EML5: variants seen among roughly 807,000 people sequenced by gnomAD.
EML5 encodes the protein echinoderm microtubule-associated protein-like 5.
In EML5, 120 loss-of-function variants were observed where a neutral mutation model predicts 250.0. That is an observed-to-expected ratio of 0.48 (90% CI 0.41 to 0.56). The LOEUF (loss-of-function observed/expected upper bound fraction) is 0.56, where lower values mean the gene tolerates loss of function less well. EML5 is among the 20% of genes least tolerant of loss of function. EML5 has a pLI of 0.00. For synonymous variants in EML5, 771 were observed against 806.5 expected (o/e 0.96, Z 0.75); for missense variants, 2,006 against 2,437.6 (o/e 0.82, Z 3.73).
intron 23 of EML5, among the ~76,000 whole-genome samples, chr14:88,664,186 A>G (rs1040269411): frequency 1.3e-5 from 2 of 150,314 alleles, no homozygotes; most frequent in African/African-American, 4.9e-5. Context: ...CTGAGTTGGG[A>G]GGATGACTTA....
At chr14:88,715,264 G>A in intron 8 of EML5, 69 bp from the exon 9 acceptor site, 1 of 1,412,934 alleles carries the variant, frequency 7.1e-7, no homozygotes, top group Non-Finnish European at 9.4e-7. Context: ...TTTCAAACAT[G>A]TCTAAAATGA....
intron 8 of EML5, among the ~76,000 whole-genome samples, chr14:88,717,052 T>C (rs1490562827): frequency 3.9e-5 from 6 of 152,076 alleles, no homozygotes; most frequent in African/African-American, 1.2e-4. Flanking sequence ...CATCACAAAG[T>C]AAAGGTACAG....
At chr14:88,781,862 A>G (rs1332845498) in intron 1 of EML5, among the ~76,000 whole-genome samples, 1 of 152,198 alleles carries the variant, frequency 6.6e-6, no homozygotes, top group Non-Finnish European at 1.5e-5. Flanking sequence ...TTTACAAATT[A>G]CCCAGTCTTG....
chr14:88,682,664 T>C (rs2092740934), intron 20 of EML5, among the ~76,000 whole-genome samples: 1 of 152,154 alleles, frequency 6.6e-6, no homozygotes, highest in Non-Finnish European at 1.5e-5. Flanking sequence ...TAGGGCAGGA[T>C]GTCAGCATTT....
intron 21 of EML5, among the ~76,000 whole-genome samples, chr14:88,675,680 G>C (rs948739857): frequency 1.3e-5 from 2 of 152,190 alleles, no homozygotes; most frequent in Admixed American, 6.5e-5. Flanking sequence ...CAGCTGGCTT[G>C]AATTTCACCT....
At chr14:88,752,571 A>G (rs1329282815) in intron 2 of EML5, among the ~76,000 whole-genome samples, 1 of 152,194 alleles carries the variant, frequency 6.6e-6, no homozygotes, top group Non-Finnish European at 1.5e-5. Flanking sequence ...AAGTCTTTAT[A>G]GATCCATTAC....
rs182186693 is a variant in EML5 at position 88,763,438 on chromosome 14, C to G, written c.198-8767G>C. 3.3e-5 allele frequency among the ~76,000 whole-genome samples: 5 copies of G among 151,954 alleles called. 1 individual carries two copies. Among genetic ancestry groups the G allele is most frequent in the Non-Finnish European group, 5.9e-5 (4 of 67,976 alleles). On this transcript the variant is annotated intron_variant, in intron 1 of 43. Coordinates refer to ENST00000554922, the MANE Select transcript of EML5 (RefSeq NM_183387.3). ...GATAAATTTCTAGACACACACACCC[C>G]CCCAAGACTAAACCAGGAAGAAGTC...
chr14:88,659,378 T>C (rs1312725381), intron 25 of EML5, among the ~76,000 whole-genome samples: 1 of 152,040 alleles, frequency 6.6e-6, no homozygotes, highest in East Asian at 1.9e-4. Flanking sequence ...GCCCAGCTAA[T>C]TTTTTCTGTT....
intron 27 of EML5, among the ~76,000 whole-genome samples, chr14:88,656,148 C>T (rs987474182): frequency 3.9e-5 from 6 of 152,200 alleles, no homozygotes; most frequent in Non-Finnish European, 7.3e-5. Flanking sequence ...AATCATTCTA[C>T]TATAAAGACA....
At chr14:88,772,448 C>T (rs79930862) in intron 1 of EML5, among the ~76,000 whole-genome samples, 5,144 of 152,298 alleles carry the variant, frequency 0.034, 282 homozygotes, top group African/African-American at 0.11. Context: ...TAAGATGGCA[C>T]TTTCAAGCCT....
At chr14:88,785,445 TA>T (rs2140841191) in intron 1 of EML5, among the ~76,000 whole-genome samples, 1 of 152,338 alleles carries the variant, frequency 6.6e-6, no homozygotes, top group Admixed American at 6.5e-5. Flanking sequence ...ATGTACCCCA[TA>T]AATAGATAAA....
At chr14:88,688,919 C>A (rs1170650933) in intron 17 of EML5, among the ~76,000 whole-genome samples, 1 of 152,138 alleles carries the variant, frequency 6.6e-6, no homozygotes, top group Non-Finnish European at 1.5e-5. Flanking sequence ...TCATGCATTC[C>A]TTTACATATA....
rs2091539886 is a variant in EML5 at position 88,649,909 on chromosome 14, T to TA, written c.4019+2dup. 4 of 1,492,650 alleles carry TA rather than the reference T, an allele frequency of 2.7e-6. No individual in the cohort carries two copies. The highest frequency in any genetic ancestry group is 3.6e-6 in the Non-Finnish European group (4 of 1,122,078). The allele number at this position is 1,492,650 out of a possible 1,614,324, so 92.5% of individuals were successfully genotyped here. ...AAAATATTTTCTTTTATAAAACACT[T>TA]ACCTTACTACTCCCTGCCTTCAAAA... On this transcript the variant is annotated splice_region_variant and intron_variant, in intron 28 of 43. Transcript: ENST00000554922.
At chr14:88,715,276 C>T (rs1225615655) in intron 8 of EML5, 81 bp from the exon 9 acceptor site, 5 of 1,337,734 alleles carry the variant, frequency 3.7e-6, no homozygotes, top group African/African-American at 1.5e-5. Context: ...CTAAAATGAC[C>T]GTGAAGCTGT....
At chr14:88,716,381 C>T (rs762687650) in intron 8 of EML5, among the ~76,000 whole-genome samples, 2 of 152,150 alleles carry the variant, frequency 1.3e-5, no homozygotes, top group Non-Finnish European at 2.9e-5. Flanking sequence ...TAGACTCATA[C>T]AGCTGCCTCT....
intron 1 of EML5, among the ~76,000 whole-genome samples, chr14:88,760,441 A>C (rs1489198560): frequency 6.6e-6 from 1 of 151,982 alleles, no homozygotes; most frequent in East Asian, 1.9e-4. Flanking sequence ...GACTTCCCCA[A>C]GCACTTTTGT....
chr14:88,760,604 T>G (rs1200201862), intron 1 of EML5, among the ~76,000 whole-genome samples: 3 of 152,198 alleles, frequency 2.0e-5, no homozygotes, highest in African/African-American at 7.2e-5. Flanking sequence ...CTGTGAGTCC[T>G]CTACCTTTGT....
At chr14:88,621,739 AAC>A (rs1400440049) in intron 37 of EML5, 18 of 348,146 alleles carry the variant, frequency 5.2e-5, no homozygotes, top group Admixed American at 1.7e-4. Flanking sequence ...AATAAGTACA[AAC>A]ACGCTCAAAA....
intron 10 of EML5, among the ~76,000 whole-genome samples, chr14:88,706,797 G>A (rs2093324552): frequency 6.6e-6 from 1 of 152,148 alleles, no homozygotes; most frequent in South Asian, 2.1e-4. Context: ...GCAGCCAGAG[G>A]ATCCTTTTAA....
Sources: gnomAD v4.1 joint callset for allele counts (sites outside exome capture counted in the v4.1 genomes callset) on GRCh38, gnomAD v4.1.1 for gene constraint, MANE v1.5 for transcripts, NCBI Gene and HGNC (gene_info 2026-07-23, HGNC 2026-07-21) for gene names.